Variants in PLPP2 observed in about 807,000 individuals in gnomAD.
The protein encoded by PLPP2 is PAP2-gamma.
A neutral mutation model predicts 35.2 loss-of-function variants in PLPP2; 29 were observed. That is an observed-to-expected ratio of 0.82 (90% CI 0.61 to 1.12). PLPP2 has a LOEUF of 1.12. Ranked by LOEUF, PLPP2 falls within the 50% of genes most tolerant of loss-of-function variation. PLPP2 has a pLI of 0.00. For synonymous variants in PLPP2, 162 were observed against 167.0 expected, an observed-to-expected ratio of 0.97 and a Z score of 0.23; for missense variants, 353 against 375.2, an observed-to-expected ratio of 0.94 and a Z score of 0.49.
chr19:289,010 G>A (rs1431648341), intron 1 of PLPP2, among the ~76,000 whole-genome samples: 1 of 151,768 alleles, frequency 6.6e-6, no homozygotes, highest in East Asian at 2.1e-4. Flanking sequence ...CAGCCACGTG[G>A]TGACCAGGAC....
chr19:283,060 A>T (rs1970211328), intron 3 of PLPP2: 1 of 470,154 alleles, frequency 2.1e-6, no homozygotes, highest in Non-Finnish European at 3.8e-6. Flanking sequence ...AACCCAGGGC[A>T]GACAATCATG....
Position 291,026 on chromosome 19 carries a change from G to A in PLPP2, c.52+259C>T, listed in dbSNP as rs755627217. On this transcript the variant is annotated intron_variant, in intron 1 of 5. Transcript: ENST00000434325. ...ACAGACTTCCTGCTGCCGGGGCGGGGGATGCTGGCCCCGGCTCCCCGGGCC... is the reference window on the plus strand; with the variant it reads ...ACAGACTTCCTGCTGCCGGGGCGGGAGATGCTGGCCCCGGCTCCCCGGGCC... 1.6e-6 allele frequency: 2 copies of A among 1,279,090 alleles called. No homozygotes were observed. The highest frequency in any genetic ancestry group is 2.0e-6 in the Non-Finnish European group (2 of 1,015,784). 79.2% of individuals were successfully genotyped at this position (1,279,090 alleles called of 1,614,324 possible).
intron 3 of PLPP2, chr19:285,538 G>A (rs1460921096): frequency 2.7e-5 from 4 of 149,570 alleles, no homozygotes; most frequent in African/African-American, 9.9e-5. Flanking sequence ...GGCAGAGGCT[G>A]TAGTGAGACA....
chr19:285,908 G>A (rs1970265019), intron 3 of PLPP2: 1 of 151,744 alleles, frequency 6.6e-6, no homozygotes, highest in African/African-American at 2.4e-5. Context: ...AGGTTGCAGT[G>A]AGCCAAGATC....
chr19:291,091 C>T (rs1026268015), intron 1 of PLPP2, 194 bp downstream of exon 1: 263 of 1,336,504 alleles, frequency 2.0e-4, no homozygotes, highest in Middle Eastern at 2.6e-4. Flanking sequence ...GACGCGGGGA[C>T]CCCCGAGCCT....
intron 5 of PLPP2, 53 bp from the exon 6 acceptor site, chr19:281,590 G>T: frequency 7.1e-7 from 1 of 1,399,764 alleles, no homozygotes. Context: ...AGGTACCAGG[G>T]ACATGGGCAT....
At chr19:285,624 A>G (rs1355446952) in intron 3 of PLPP2, 2 of 150,856 alleles carry the variant, frequency 1.3e-5, no homozygotes, top group Non-Finnish European at 3.0e-5. Flanking sequence ...AAAAGGAGAA[A>G]AAAAACATTA....
chr19:287,712 G>C lies in PLPP2; in HGVS notation c.244C>G (p.Leu82Val). The C allele has an allele frequency of 6.2e-7, 1 of 1,613,880 alleles. No homozygotes were observed. The highest frequency in any genetic ancestry group is 1.1e-5 in the South Asian group (1 of 91,082). ...GEAYLVYTDR[L>V]YSRSDFNNYV... The stretch of plus-strand genomic sequence containing the variant: ...TTGTTGAAGTCCGAGCGAGAATAGA[G>C]CCGGTCTGTGTACACCAGGTAGGCT... The change falls in exon 3 of 6, where the codon CTC (leucine) becomes GTC (valine). Residue 82 changes from leucine to valine, a missense_variant. Leu to Val is a conservative substitution (Grantham distance 32). Coordinates refer to ENST00000434325, the MANE Select transcript of PLPP2 (RefSeq NM_003712.4). The surrounding 1 kb of genome is among the most constrained non-coding windows in gnomAD (Gnocchi z 4.3).
intron 1 of PLPP2, 24 bp from the exon 2 acceptor site, chr19:288,195 A>G (rs1217647870): frequency 6.4e-7 from 1 of 1,551,898 alleles, no homozygotes; most frequent in Non-Finnish European, 8.7e-7. Context: ...AAAGCCTGGG[A>G]GCTGTGAGGT....
At chr19:282,529 TG>T (rs537745755) in intron 4 of PLPP2, among the ~76,000 whole-genome samples, 18 of 142,442 alleles carry the variant, frequency 1.3e-4, no homozygotes, top group Non-Finnish European at 1.8e-4. Context: ...CGTGTTAGCC[TG>T]TGCACCTGCC....
Position 281,360 on chromosome 19 carries a change from C to T in PLPP2, c.*28G>A, listed in dbSNP as rs7815. 448,707 of 1,386,106 alleles carry T rather than the reference C, an allele frequency of 0.32. 76,874 individuals are homozygous for T. Among genetic ancestry groups the T allele is most frequent in the South Asian group, 0.36 (18,442 of 51,658 alleles). The allele number at this position is 1,386,106 out of a possible 1,614,324, so 85.9% of individuals were successfully genotyped here. On this transcript the variant is annotated 3_prime_UTR_variant, in exon 6 of 6. Transcript: ENST00000434325. ...GGGTGGGCCTCAGCTGGACTCACAG[C>T]AGCTCCCTGCCTGGGCGGGGTCCGG...
intron 1 of PLPP2, chr19:290,872 C>T (rs1250757582): frequency 3.6e-6 from 4 of 1,113,288 alleles, no homozygotes; most frequent in Non-Finnish European, 4.5e-6. Context: ...AGCGGGAGCG[C>T]CCACCCCAGG....
chr19:287,361 G>A lies in PLPP2; in HGVS notation c.482+113C>T, dbSNP rs552221415. 507 of 1,348,014 alleles carry A rather than the reference G, an allele frequency of 3.8e-4. No homozygotes were observed. Among genetic ancestry groups the A allele is most frequent in the Non-Finnish European group, 3.7e-4 (369 of 992,216 alleles). The allele number at this position is 1,348,014 out of a possible 1,614,324, so 83.5% of individuals were successfully genotyped here. On this transcript the variant is annotated intron_variant, in intron 3 of 5. Transcript: ENST00000434325. This position sits in a 1 kb window ranked among gnomAD's most constrained non-coding sequence, Gnocchi z 4.3. ...TAACTTATACAAAAATTAGCCGGGCGTGGTGGCGCACGCCTGTAGTCTCAG... is the reference window on the plus strand; with the variant it reads ...TAACTTATACAAAAATTAGCCGGGCATGGTGGCGCACGCCTGTAGTCTCAG...
chr19:289,163 G>A (rs776325342), intron 1 of PLPP2, among the ~76,000 whole-genome samples: 2 of 152,200 alleles, frequency 1.3e-5, no homozygotes, highest in Non-Finnish European at 2.9e-5. Context: ...ACGGGGCAGA[G>A]GGCAGGCGCA....
chr19:283,617 C>T (rs1054112887), intron 3 of PLPP2: 4 of 152,256 alleles, frequency 2.6e-5, no homozygotes, highest in Admixed American at 6.5e-5. Context: ...GAATAAAATG[C>T]TCTGGGCGAT....
Position 281,395 on chromosome 19 carries a change from G to A in PLPP2, c.860C>T (p.Ser287Phe), listed in dbSNP as rs766954429. Reference sequence around the variant, plus strand: ...CCTGGGCGGGGTCCGGCCTCAGGAGGAGGAGTGCGGGTATCCATAGTGGTT... The same window carrying A: ...CCTGGGCGGGGTCCGGCCTCAGGAGAAGGAGTGCGGGTATCCATAGTGGTT... ...DHNHYGYPHS[S>F]S The change falls in exon 6 of 6, where the codon TCC becomes TTC. Residue 287 changes from serine (S) to phenylalanine (F), a missense_variant. Physicochemically the swap from Ser to Phe is radical, Grantham distance 155. Coordinates refer to ENST00000434325, the MANE Select transcript of PLPP2 (RefSeq NM_003712.4). 5 of 1,409,026 alleles carry A rather than the reference G, an allele frequency of 3.5e-6. No homozygotes were observed. In the South Asian group the frequency reaches 5.3e-5, roughly 15 times the overall value. The allele number at this position is 1,409,026 out of a possible 1,614,324, so 87.3% of individuals were successfully genotyped here.
At chr19:283,269 C>T (rs566914773) in intron 3 of PLPP2, 1 of 160,472 alleles carries the variant, frequency 6.2e-6, no homozygotes, top group African/African-American at 2.4e-5. Context: ...TTTTTTGGAA[C>T]TACTCAAAAG....
At position 287,799 on chromosome 19, in the gene PLPP2, G is replaced by C. The variant is rs372185730; in HGVS notation, c.205-48C>G. On this transcript the variant is annotated intron_variant, in intron 2 of 5. Coordinates refer to ENST00000434325, the MANE Select transcript of PLPP2 (RefSeq NM_003712.4). This position sits in a 1 kb window ranked among gnomAD's most constrained non-coding sequence, Gnocchi z 4.3. ...CAGTGGGGGTCTCGGTCGGCCCAGG[G>C]GCCCTCACTCCTCCGCACGGGCCTC... 1 of 1,604,826 alleles carries C rather than the reference G, an allele frequency of 6.2e-7. No homozygotes were observed. Among genetic ancestry groups the C allele is most frequent in the African/African-American group, 1.3e-5 (1 of 74,548 alleles).
At chr19:289,044 T>C (rs1458241781) in intron 1 of PLPP2, among the ~76,000 whole-genome samples, 2 of 152,038 alleles carry the variant, frequency 1.3e-5, no homozygotes, top group East Asian at 1.9e-4. Context: ...GCCTCAGGGA[T>C]CAAAGACACA....
Sources: gnomAD v4.1 joint callset for allele counts (sites outside exome capture counted in the v4.1 genomes callset) on GRCh38, gnomAD v4.1.1 for gene constraint, Gnocchi (gnomAD v3.1) non-coding constraint, MANE v1.5 for transcripts, NCBI Gene and HGNC (gene_info 2026-07-23, HGNC 2026-07-21) for gene names.